Variants in NAB2 observed in about 807,000 individuals in gnomAD.
NAB2 encodes NGFI-A-binding protein 2.
Under a neutral mutation model 44.2 loss-of-function variants are expected in NAB2, and 9 were observed. The ratio of observed to expected loss-of-function variants is 0.20; its 90% CI spans 0.12 to 0.36. The LOEUF is 0.36. Ranked by LOEUF, NAB2 falls within the 10% of genes least tolerant of loss-of-function variation. The pLI, the probability that NAB2 is intolerant of heterozygous loss-of-function variation, is 1.00. For synonymous variants in NAB2, 342 were observed against 291.0 expected (o/e 1.18, Z -1.78); for missense variants, 514 against 709.0 (o/e 0.73, Z 3.12).
At position 57,091,085 on chromosome 12, in the gene NAB2, C is replaced by T. The variant is rs779881328; in HGVS notation, c.84-40C>T. 4 of 1,477,620 alleles carry T rather than the reference C, an allele frequency of 2.7e-6. No homozygotes were observed. In the African/African-American group the frequency reaches 5.6e-5, roughly 21 times the overall value. The allele number at this position is 1,477,620 out of a possible 1,614,324, so 91.5% of individuals were successfully genotyped here. A position where few individuals can be genotyped will look rare whatever the true frequency, so the allele number is the denominator to read the frequency against. On this transcript the variant is annotated intron_variant, in intron 1 of 6. Coordinates refer to ENST00000300131, the MANE Select transcript of NAB2 (RefSeq NM_005967.4). This position sits in a 1 kb window ranked among gnomAD's most constrained non-coding sequence, Gnocchi z 7.3. ...TGTGGGTTGGTACCCAGTAGGGGGA[C>T]TTGCACCGACTGCCTCTCTCTTGTG...
At position 57,091,311 on chromosome 12, in the gene NAB2, C is replaced by T. The variant is rs370471972; in HGVS notation, c.270C>T (p.Ala90=). 2.0e-5 allele frequency: 32 copies of T among 1,612,294 alleles called. No homozygotes were observed. The African/African-American group carries it at 3.7e-4, about 19-fold the overall frequency. ...AGATCATGGCACTTGTGGGCATGGC[C>T]ACCAAGCCCCTCCATGTCCGGCGCC... is the stretch of plus-strand genomic sequence containing the variant. ...FLEIMALVGM[A]TKPLHVRRLQ... is the part of the protein sequence containing the mutation. Residue 90 remains alanine (A), a synonymous_variant, in exon 2 of 7, where the codon GCC becomes GCT. Transcript: ENST00000300131. The surrounding 1 kb of genome is among the most constrained non-coding windows in gnomAD (Gnocchi z 7.3).
At chr12:57,090,236 A>T (rs2033157271) in intron 1 of NAB2, among the ~76,000 whole-genome samples, 1 of 152,204 alleles carries the variant, frequency 6.6e-6, no homozygotes, top group Non-Finnish European at 1.5e-5. Context: ...CTGTAATCCC[A>T]GCACTTTGGG....
Position 57,089,116 on chromosome 12 carries a change from A to G in NAB2, c.-156A>G, listed in dbSNP as rs972860401. 2.7e-6 allele frequency: 2 copies of G among 751,344 alleles called. No individual in the cohort carries two copies. Among genetic ancestry groups the G allele is most frequent in the Non-Finnish European group, 4.3e-6 (2 of 466,134 alleles). 46.5% of individuals were successfully genotyped at this position (751,344 alleles called of 1,614,324 possible). Reference sequence around the variant, plus strand: ...GGAGGGTGGGGGGGCAGAGGCACAGACAGAGGCGCGGAGGCTCGGAGAGAG... The same window carrying G: ...GGAGGGTGGGGGGGCAGAGGCACAGGCAGAGGCGCGGAGGCTCGGAGAGAG... On this transcript the variant is annotated 5_prime_UTR_variant, in exon 1 of 7. Coordinates refer to ENST00000300131, the MANE Select transcript of NAB2 (RefSeq NM_005967.4).
At chr12:57,090,923 G>A (rs1373825587) in intron 1 of NAB2, among the ~76,000 whole-genome samples, 2 of 152,238 alleles carry the variant, frequency 1.3e-5, no homozygotes, top group African/African-American at 4.8e-5. Flanking sequence ...GGCCAGTCTA[G>A]GACGGCACTG....
At chr12:57,089,410 AAT>A in intron 1 of NAB2, 56 bp downstream of exon 1, 1 of 1,356,532 alleles carries the variant, frequency 7.4e-7, no homozygotes. Context: ...TGGACTTGGG[AAT>A]GGGGTCCAGA....
At chr12:57,092,400 A>C (rs745860272) in intron 2 of NAB2, 48 bp from the exon 3 acceptor site, 2 of 1,604,430 alleles carry the variant, frequency 1.2e-6, no homozygotes, top group Non-Finnish European at 8.5e-7. Context: ...CTGGTGAGGC[A>C]GCGGGGAAGT....
chr12:57,092,256 C>T (rs917991201), intron 2 of NAB2, 192 bp from the exon 3 acceptor site: 25 of 1,017,316 alleles, frequency 2.5e-5, no homozygotes, highest in Middle Eastern at 6.5e-4. Flanking sequence ...GAGGAGGCCC[C>T]GGGCATTCCT....
Position 57,091,620 on chromosome 12 carries a change from G to A in NAB2, c.579G>A (p.Ser193=), listed in dbSNP as rs756046924. The A allele has an allele frequency of 1.3e-4, 211 of 1,604,210 alleles. No individual in the cohort carries two copies. The highest frequency in any genetic ancestry group is 1.7e-4 in the Middle Eastern group (1 of 6,020). ...GGCCAGGCCGGAGCACTCCAGAGTC[G>A]GACGTTGGGGCAGGAGGAGAAGAGG... is the stretch of plus-strand genomic sequence containing the variant. ...RIWPGRSTPE[S]DVGAGGEEEA... is the part of the protein sequence containing the mutation. The change falls in exon 2 of 7, where the codon TCG becomes TCA. Residue 193 remains serine (S), a synonymous_variant. Transcript: ENST00000300131. This position sits in a 1 kb window ranked among gnomAD's most constrained non-coding sequence, Gnocchi z 7.3.
chr12:57,093,082 C>G lies in NAB2; in HGVS notation c.1163C>G (p.Pro388Arg). The change falls in exon 5 of 7, where the codon CCT (proline) becomes CGT (arginine). Residue 388 changes from proline (P) to arginine (R), a missense_variant. Physicochemically the swap from Pro to Arg is moderately radical, Grantham distance 103. Around this residue, in one of 5 missense-constraint regions of NAB2, gnomAD observed 194 missense variants for 223.9 expected, o/e 0.87. Transcript: ENST00000300131. ...LKQEVGEQSH[P>R]EIQQPPPGPE... Reference sequence around the variant, plus strand: ...CCACAGGTTGGAGAACAGAGTCACCCTGAAATCCAGCAGCCTCCCCCAGGC... The same window carrying G: ...CCACAGGTTGGAGAACAGAGTCACCGTGAAATCCAGCAGCCTCCCCCAGGC... 6.2e-7 allele frequency: 1 copy of G among 1,612,606 alleles called. No individual in the cohort carries two copies. Among genetic ancestry groups the G allele is most frequent in the South Asian group, 1.1e-5 (1 of 90,936 alleles).
rs779781792 is a variant in NAB2 at position 57,091,848 on chromosome 12, G to A, written c.807G>A (p.Lys269=). Residue 269 remains lysine (K), a synonymous_variant, in exon 2 of 7, where the codon AAG becomes AAA. Transcript: ENST00000300131. This position sits in a 1 kb window ranked among gnomAD's most constrained non-coding sequence, Gnocchi z 7.3. ...GDAGEVTSLL[K]LNKKLARSVG... ...CTGGGGAGGTCACATCCCTGCTAAA[G>A]CTGAATAAGAAGCTGGCACGGAGCG... The A allele has an allele frequency of 5.0e-6, 8 of 1,614,104 alleles. No individual in the cohort carries two copies. The highest frequency in any genetic ancestry group is 4.4e-5 in the South Asian group (4 of 91,094).
chr12:57,091,347 A>T lies in NAB2; in HGVS notation c.306A>T (p.Ala102=). 1 of 1,614,140 alleles carries T rather than the reference A, an allele frequency of 6.2e-7. No individual in the cohort carries two copies. Among genetic ancestry groups the T allele is most frequent in the Non-Finnish European group, 8.5e-7 (1 of 1,179,988 alleles). Residue 102 remains alanine, a synonymous_variant, in exon 2 of 7, where the codon GCA becomes GCT. Coordinates refer to ENST00000300131, the MANE Select transcript of NAB2 (RefSeq NM_005967.4). The surrounding 1 kb of genome is among the most constrained non-coding windows in gnomAD (Gnocchi z 7.3). The part of the protein sequence containing the change: ...KPLHVRRLQK[A]LREWATNPGL... ...TCCATGTCCGGCGCCTGCAGAAGGCACTGAGAGAGTGGGCCACCAATCCAG... is the reference window on the plus strand; with the variant it reads ...TCCATGTCCGGCGCCTGCAGAAGGCTCTGAGAGAGTGGGCCACCAATCCAG...
rs548854406 is a variant in NAB2, at chr12:57,095,353, TC to T, written c.*634del. 88 of 153,098 alleles carry T rather than the reference TC, an allele frequency of 5.7e-4. No individual in the cohort carries two copies. Among genetic ancestry groups the T allele is most frequent in the African/African-American group, 2.0e-3 (84 of 41,588 alleles). 9.5% of individuals were successfully genotyped at this position (153,098 alleles called of 1,614,324 possible). On this transcript the variant is annotated 3_prime_UTR_variant, in exon 7 of 7. Transcript: ENST00000300131. Reference sequence around the variant, plus strand: ...GGAGGCCTGGGTTGGACTCAGGGTCTCCTCCAGCTGGGGGCTGGACCGCAGC... The same window carrying T: ...GGAGGCCTGGGTTGGACTCAGGGTCTCTCCAGCTGGGGGCTGGACCGCAGC...
Position 57,091,348 on chromosome 12 carries a change from C to A in NAB2, c.307C>A (p.Leu103Met), listed in dbSNP as rs201549503. Reference sequence around the variant, plus strand: ...CCATGTCCGGCGCCTGCAGAAGGCACTGAGAGAGTGGGCCACCAATCCAGG... The same window carrying A: ...CCATGTCCGGCGCCTGCAGAAGGCAATGAGAGAGTGGGCCACCAATCCAGG... The part of the protein sequence containing the change: ...PLHVRRLQKA[L>M]REWATNPGLF... Residue 103 changes from leucine (L) to methionine (M), a missense_variant, in exon 2 of 7, where the codon CTG (leucine) becomes ATG (methionine). By Grantham distance (15) the Leu-to-Met change is conservative (BLOSUM62 2). This residue lies in a region of NAB2 where 34 missense variants were observed against 130.5 expected (regional missense o/e 0.26). Transcript: ENST00000300131. The surrounding 1 kb of genome is among the most constrained non-coding windows in gnomAD (Gnocchi z 7.3). 6.2e-7 allele frequency: 1 copy of A among 1,614,172 alleles called. No homozygotes were observed. The highest frequency in any genetic ancestry group is 8.5e-7 in the Non-Finnish European group (1 of 1,180,006).
Position 57,089,291 on chromosome 12 carries a change from C to T in NAB2, c.20C>T (p.Pro7Leu). The T allele has an allele frequency of 1.3e-6, 2 of 1,577,858 alleles. No homozygotes were observed. Among genetic ancestry groups the T allele is most frequent in the South Asian group, 2.3e-5 (2 of 86,286 alleles). ...CCGTCCATGCACAGAGCGCCTTCCC[C>T]CACAGCCGAGCAGCCGCCGGGCGGA... MHRAPS[P>L]TAEQPPGGGD... The change falls in exon 1 of 7, where the codon CCC becomes CTC. Residue 7 changes from proline (P) to leucine (L), a missense_variant. Transcript: ENST00000300131.
intron 6 of NAB2, 40 bp downstream of exon 6, chr12:57,093,638 A>G (rs1044509805): frequency 2.1e-6 from 3 of 1,447,848 alleles, no homozygotes; most frequent in Non-Finnish European, 2.7e-6. Context: ...CACCCCGGCC[A>G]CTCAGGCCCC....
rs752673093 is a variant in NAB2 at position 57,091,509 on chromosome 12, C to T, written c.468C>T (p.Arg156=). The T allele has an allele frequency of 3.7e-5, 59 of 1,613,956 alleles. No individual in the cohort carries two copies. The highest frequency in any genetic ancestry group is 4.9e-5 in the Non-Finnish European group (58 of 1,179,992). The change falls in exon 2 of 7, where the codon CGC becomes CGT. Residue 156 remains arginine (R), a synonymous_variant. Transcript: ENST00000300131. This position sits in a 1 kb window ranked among gnomAD's most constrained non-coding sequence, Gnocchi z 7.3. ...CAGGGGAAAAGGCAGGCAGTGCCCG[C>T]AGTTTTAGCCCCAAGAGCCCCCTTG... ...GSPGEKAGSA[R]SFSPKSPLEL...
At chr12:57,092,651 C>A in intron 3 of NAB2, 70 bp downstream of exon 3, 1 of 1,558,452 alleles carries the variant, frequency 6.4e-7, no homozygotes, top group Non-Finnish European at 8.7e-7. Context: ...TCCTAACCTT[C>A]AGCTCAGGCA....
chr12:57,090,602 T>A (rs565095221), intron 1 of NAB2, among the ~76,000 whole-genome samples: 1 of 152,368 alleles, frequency 6.6e-6, no homozygotes, highest in African/African-American at 2.4e-5. Flanking sequence ...CCCTCCCTTT[T>A]AGCCACCTGG....
At position 57,091,160 on chromosome 12, in the gene NAB2, TG is replaced by T; in HGVS notation, c.124del (p.Glu42SerfsTer62). 6.5e-7 allele frequency: 1 copy of T among 1,530,898 alleles called. No individual in the cohort carries two copies. The highest frequency in any genetic ancestry group is 8.8e-7 in the Non-Finnish European group (1 of 1,136,400). 94.8% of individuals were successfully genotyped at this position (1,530,898 alleles called of 1,614,324 possible). On this transcript the variant is annotated frameshift_variant, in exon 2 of 7. Transcript: ENST00000300131. LOFTEE classifies it high-confidence loss of function. The surrounding 1 kb of genome is among the most constrained non-coding windows in gnomAD (Gnocchi z 7.3). ...SARAMALPRT[L>X]GELQLYRVLQ... ...CGAGCCATGGCACTGCCTCGGACGC[TG>T]GGGGAGCTGCAGCTGTACCGGGTCC...
Sources: gnomAD v4.1 joint callset for allele counts (sites outside exome capture counted in the v4.1 genomes callset) on GRCh38, gnomAD v4.1.1 for gene constraint, gnomAD v4.1.1 regional missense constraint, Gnocchi (gnomAD v3.1) non-coding constraint, MANE v1.5 for transcripts, NCBI Gene and HGNC (gene_info 2026-07-23, HGNC 2026-07-21) for gene names.